Variants in GFM1 observed in about 807,000 individuals in gnomAD.
The protein encoded by GFM1 is G elongation factor mitochondrial 1.
GFM1 carries 62 observed loss-of-function variants against 96.2 expected under a neutral mutation model. The observed-to-expected ratio is 0.64, with a 90% confidence interval of 0.53 to 0.80. The LOEUF (loss-of-function observed/expected upper bound fraction) is 0.80, where lower values mean the gene tolerates loss of function less well. GFM1 is among the 30% of genes least tolerant of loss of function. GFM1 has a pLI of 0.00. For missense variants in GFM1, 852 were observed against 916.6 expected (o/e 0.93, Z 0.91); for synonymous variants, 282 against 312.9 (o/e 0.90, Z 1.04).
intron 13 of GFM1, among the ~76,000 whole-genome samples, chr3:158,675,227 A>C (rs569726964): frequency 1.5e-4 from 21 of 135,638 alleles, no homozygotes; most frequent in Non-Finnish European, 2.8e-4. Flanking sequence ...CGGAGGTTGC[A>C]GTGAGTGGAG....
At position 158,644,625 on chromosome 3, in the gene GFM1, T is replaced by C. The variant is rs1422714109; in HGVS notation, c.-10T>C. ...CGCCACGGGACTTTGACGCGTGCTCTGCGCTTGCCATGAGACTCCTGGGAG... is the reference window on the plus strand; with the variant it reads ...CGCCACGGGACTTTGACGCGTGCTCCGCGCTTGCCATGAGACTCCTGGGAG... On this transcript the variant is annotated 5_prime_UTR_variant, in exon 1 of 18. Transcript: ENST00000486715. 1.2e-5 allele frequency: 18 copies of C among 1,565,068 alleles called. No individual in the cohort carries two copies. Among genetic ancestry groups the C allele is most frequent in the Non-Finnish European group, 1.5e-5 (17 of 1,155,364 alleles).
chr3:158,646,036 G>A, intron 2 of GFM1, 129 bp from the exon 3 acceptor site: 1 of 1,170,948 alleles, frequency 8.5e-7, no homozygotes, highest in Admixed American at 1.8e-5. Context: ...TCCTGCCTCA[G>A]TCTCCCACAG....
chr3:158,669,158 A>C, intron 13 of GFM1: 1 of 1,574,808 alleles, frequency 6.3e-7, no homozygotes, highest in Non-Finnish European at 8.7e-7. Flanking sequence ...TTTATATGAT[A>C]ATCATATATA....
rs1488536216 is a variant in GFM1 at position 158,654,701 on chromosome 3, A to G, written c.1083+70A>G. ...TTTACTTCTAGGCTTTATTCCTATT[A>G]CAGAATGACTCTGACTTTTATGAAA... On this transcript the variant is annotated intron_variant, in intron 8 of 17. Coordinates refer to ENST00000486715, the MANE Select transcript of GFM1 (RefSeq NM_024996.7). The G allele has an allele frequency of 5.0e-6, 5 of 997,578 alleles. No individual in the cohort carries two copies. The African/African-American group carries it at 7.9e-5, about 16-fold the overall frequency. The allele number at this position is 997,578 out of a possible 1,614,324, so 61.8% of individuals were successfully genotyped here.
At chr3:158,689,747 CAA>C (rs202180927) in intron 15 of GFM1, among the ~76,000 whole-genome samples, 108 of 92,206 alleles carry the variant, frequency 1.2e-3, no homozygotes, top group Admixed American at 1.2e-3. Context: ...GCTTGGGTGA[CAA>C]AAAAAAAAAA....
At chr3:158,645,804 G>A (rs1343859125) in intron 2 of GFM1, 23 bp downstream of exon 2, 11 of 1,583,912 alleles carry the variant, frequency 6.9e-6, no homozygotes, top group African/African-American at 1.3e-5. Flanking sequence ...GGTTGATTCC[G>A]GATTAATTAG....
At chr3:158,685,804 C>T (rs1461064529) in intron 15 of GFM1, among the ~76,000 whole-genome samples, 2 of 152,108 alleles carry the variant, frequency 1.3e-5, no homozygotes, top group Non-Finnish European at 2.9e-5. Flanking sequence ...CTTTATTAGG[C>T]ATCACTCACA....
chr3:158,654,407 G>A (rs999922053), intron 7 of GFM1, 140 bp from the exon 8 acceptor site: 28 of 606,196 alleles, frequency 4.6e-5, no homozygotes, highest in Non-Finnish European at 7.5e-5. Flanking sequence ...ATCTCTTTCA[G>A]TGAAATTTTA....
At position 158,644,980 on chromosome 3, in the gene GFM1, G is replaced by GT. The variant is rs11405116; in HGVS notation, c.81+283dup. 0.026 allele frequency: 5,584 copies of GT among 214,360 alleles called. 11 individuals are homozygous for GT. The highest frequency in any genetic ancestry group is 0.056 in the East Asian group (481 of 8,566). 13.3% of individuals were successfully genotyped at this position (214,360 alleles called of 1,614,324 possible). A position where few individuals can be genotyped will look rare whatever the true frequency, so the allele number is the denominator to read the frequency against. ...TGATATTTTATCCACCTTTTCTAAG[G>GT]TTTTTTTTTTTTTTTTTTGCCTCTC... On this transcript the variant is annotated intron_variant, in intron 1 of 17. Coordinates refer to ENST00000486715, the MANE Select transcript of GFM1 (RefSeq NM_024996.7).
chr3:158,658,829 G>A, intron 8 of GFM1, 93 bp from the exon 9 acceptor site: 1 of 1,346,886 alleles, frequency 7.4e-7, no homozygotes, highest in Non-Finnish European at 1.1e-6. Context: ...AATTGGTAGA[G>A]AATACTTGGA....
chr3:158,658,292 G>A (rs981456988), intron 8 of GFM1, among the ~76,000 whole-genome samples: 8 of 150,252 alleles, frequency 5.3e-5, no homozygotes, highest in Admixed American at 4.0e-4. Context: ...TCAGCTTCCC[G>A]AGTAGCTGGG....
chr3:158,654,053 G>A (rs561289300), intron 7 of GFM1, among the ~76,000 whole-genome samples: 22 of 151,860 alleles, frequency 1.4e-4, no homozygotes, highest in African/African-American at 5.3e-4. Flanking sequence ...GCCTGCCTGG[G>A]TGACAGAATA....
At chr3:158,648,293 A>T (rs1173048659) in intron 4 of GFM1, among the ~76,000 whole-genome samples, 2 of 152,198 alleles carry the variant, frequency 1.3e-5, no homozygotes, top group African/African-American at 4.8e-5. Context: ...CCATAGTTAT[A>T]GATGGGAGTC....
rs1721615902 is a variant in GFM1 at position 158,644,799 on chromosome 3, C to CGCCGTGACACCCCG, written c.81+84_81+85insGCCGTGACACCCCG. The CGCCGTGACACCCCG allele has an allele frequency of 2.5e-6, 3 of 1,180,690 alleles. No homozygotes were observed. The African/African-American group carries it at 4.6e-5, about 18-fold the overall frequency. 73.1% of individuals were successfully genotyped at this position (1,180,690 alleles called of 1,614,324 possible). On this transcript the variant is annotated intron_variant, in intron 1 of 17. Transcript: ENST00000486715. ...GGGCAATGGAAGGCCGTGACACCCC[C>CGCCGTGACACCCCG]TGGGTCCTCATGACTGACAGCTCCG...
chr3:158,683,266 C>T (rs1383308631), intron 14 of GFM1, among the ~76,000 whole-genome samples: 1 of 152,050 alleles, frequency 6.6e-6, no homozygotes, highest in East Asian at 1.9e-4. Context: ...AGAACTTAGA[C>T]ATTTTACAGC....
chr3:158,645,905 T>G, intron 2 of GFM1, 124 bp downstream of exon 2: 1 of 977,184 alleles, frequency 1.0e-6, no homozygotes, highest in Non-Finnish European at 1.6e-6. Flanking sequence ...TTTTGACAGT[T>G]AGGCTTATCT....
intron 3 of GFM1, among the ~76,000 whole-genome samples, 189 bp from the exon 4 acceptor site, chr3:158,646,554 T>G (rs1480944612): frequency 6.6e-6 from 1 of 152,236 alleles, no homozygotes; most frequent in African/African-American, 2.4e-5. Context: ...GCCTGTGCCC[T>G]AGTATTTTCT....
At chr3:158,658,180 TGAGACAGAGTCTCACC>T (rs1722921206) in intron 8 of GFM1, among the ~76,000 whole-genome samples, 1 of 122,806 alleles carries the variant, frequency 8.1e-6, no homozygotes, top group African/African-American at 2.7e-5. Flanking sequence ...TTTTTTTTTT[TGAGACAGAGTCTCACC>T]TATTCTGTTG....
chr3:158,672,388 C>T (rs777930745), intron 13 of GFM1: 9 of 1,613,974 alleles, frequency 5.6e-6, no homozygotes, highest in African/African-American at 1.3e-5. Context: ...ACCTCAAACA[C>T]CCTGTGCGGG....
Sources: allele counts gnomAD v4.1 joint callset (sites outside exome capture counted in the v4.1 genomes callset), GRCh38; gene constraint gnomAD v4.1.1; transcripts MANE v1.5; gene names NCBI Gene and HGNC (gene_info 2026-07-23, HGNC 2026-07-21).